The following IL1RAPL1 variants were observed in gnomAD, a reference collection of about 807,000 sequenced individuals.
IL1RAPL1 encodes the protein interleukin 1 receptor accessory protein like 1.
IL1RAPL1 carries 3 observed loss-of-function variants against 48.4 expected under a neutral mutation model. The ratio of observed to expected loss-of-function variants is 0.06; its 90% CI spans 0.03 to 0.16. The LOEUF is 0.16. IL1RAPL1 is among the 10% of genes least tolerant of loss of function. The probability of loss-of-function intolerance (pLI) is 1.00; values close to 1 mark genes in which losing one functional copy is unlikely to be tolerated. For missense variants in IL1RAPL1, 349 were observed against 530.6 expected (o/e 0.66, Z 3.36); for synonymous variants, 185 against 187.7 (o/e 0.99, Z 0.12).
At chrX:28,806,155 GAATA>G (rs1936729215) in intron 2 of IL1RAPL1, among the ~76,000 whole-genome samples, 1 of 111,859 alleles carries the variant, frequency 8.9e-6, no homozygotes, top group African/African-American at 3.2e-5. Flanking sequence ...TACATGAAAT[GAATA>G]GTTTCATTAG....
Position 29,030,112 on chromosome X carries a change from A to AT in IL1RAPL1, c.82+240695dup, listed in dbSNP as rs755475724. 4.0e-3 allele frequency among the ~76,000 whole-genome samples: 432 copies of AT among 108,986 alleles called. 4 individuals are homozygous for AT. Among genetic ancestry groups the AT allele is most frequent in the African/African-American group, 0.014 (409 of 29,907 alleles). 94.6% of individuals were successfully genotyped at this position (108,986 alleles called of 115,157 possible). A position where few individuals can be genotyped will look rare whatever the true frequency, so the allele number is the denominator to read the frequency against. ...TTTCAGTCCATTGATCTATTTGTCT[A>AT]TTTTTTTTCACTAGTGCCACACTGT... On this transcript the variant is annotated intron_variant, in intron 2 of 10. Coordinates refer to ENST00000378993, the MANE Select transcript of IL1RAPL1 (RefSeq NM_014271.4).
At chrX:28,768,719 CTCTCTCTCTG>C (rs1569168430) in intron 1 of IL1RAPL1, among the ~76,000 whole-genome samples, 30 of 64,158 alleles carry the variant, frequency 4.7e-4, no homozygotes, top group African/African-American at 1.7e-3. Context: ...CTCTCTCTCT[CTCTCTCTCTG>C]TCTCTCTCTC....
intron 5 of IL1RAPL1, among the ~76,000 whole-genome samples, chrX:29,487,685 G>A (rs1935111276): frequency 8.9e-6 from 1 of 112,181 alleles, no homozygotes; most frequent in Non-Finnish European, 1.9e-5. Flanking sequence ...TTTAGCAACA[G>A]AATGCTGAAG....
intron 8 of IL1RAPL1, among the ~76,000 whole-genome samples, chrX:29,940,610 C>A (rs992236892): frequency 8.9e-6 from 1 of 111,935 alleles, no homozygotes; most frequent in African/African-American, 3.2e-5. Context: ...ACCGACAACG[C>A]TTAAAGTGAG....
intron 1 of IL1RAPL1, among the ~76,000 whole-genome samples, chrX:28,701,096 A>G (rs932712174): frequency 1.4e-4 from 16 of 111,307 alleles, no homozygotes; most frequent in African/African-American, 4.9e-4. Context: ...GTCAAATGGT[A>G]TTTCTGGTTC....
chrX:29,599,092 G>A (rs184962439), intron 5 of IL1RAPL1, among the ~76,000 whole-genome samples: 108 of 111,981 alleles, frequency 9.6e-4, no homozygotes, highest in African/African-American at 3.3e-3. Context: ...TGTTTGAATA[G>A]CTTGTGTTTT....
At chrX:29,831,305 C>T (rs1049883764) in intron 6 of IL1RAPL1, among the ~76,000 whole-genome samples, 65 of 111,167 alleles carry the variant, frequency 5.8e-4, no homozygotes, top group Admixed American at 2.2e-3. Context: ...ATTAAGTCCC[C>T]CCATGGAACT....
intron 8 of IL1RAPL1, among the ~76,000 whole-genome samples, chrX:29,928,510 TAA>T (rs746669950): frequency 2.1e-4 from 24 of 111,973 alleles, no homozygotes; most frequent in Non-Finnish European, 4.3e-4. Context: ...GCAGGCTGCT[TAA>T]AAGAGATAAT....
chrX:28,719,114 T>C (rs2146938771), intron 1 of IL1RAPL1, among the ~76,000 whole-genome samples: 1 of 111,180 alleles, frequency 9.0e-6, no homozygotes. Context: ...TATATATGCA[T>C]CGGAATTTAG....
intron 1 of IL1RAPL1, among the ~76,000 whole-genome samples, chrX:28,608,034 T>A (rs1014462771): frequency 3.6e-5 from 4 of 111,700 alleles, no homozygotes; most frequent in African/African-American, 1.3e-4. Context: ...GACATGGACC[T>A]GGATGCCTAC....
intron 2 of IL1RAPL1, among the ~76,000 whole-genome samples, chrX:29,062,531 G>A (rs760762400): frequency 1.8e-5 from 2 of 112,061 alleles, no homozygotes; most frequent in Non-Finnish European, 3.8e-5. Context: ...AGCAAAATGC[G>A]TAGAGACATT....
At chrX:29,069,628 A>AACACACACACACACACACAC (rs56373899) in intron 2 of IL1RAPL1, among the ~76,000 whole-genome samples, 10 of 83,732 alleles carry the variant, frequency 1.2e-4, no homozygotes, top group Non-Finnish European at 2.1e-4. Flanking sequence ...TTTCCTATAG[A>AACACACACACACACACACAC]ACACACACAC....
intron 1 of IL1RAPL1, among the ~76,000 whole-genome samples, chrX:28,669,828 TAATAAC>T (rs1265328588): frequency 9.5e-6 from 1 of 105,268 alleles, no homozygotes; most frequent in East Asian, 2.9e-4. Flanking sequence ...AATGGAGAAA[TAATAAC>T]AATTCGAGTT....
intron 1 of IL1RAPL1, among the ~76,000 whole-genome samples, chrX:28,757,776 T>C (rs1172418534): frequency 3.6e-5 from 4 of 112,291 alleles, no homozygotes; most frequent in African/African-American, 1.3e-4. Context: ...TGTGCTCTGC[T>C]TTATAGCTTA....
chrX:29,022,224 T>C (rs1335435005), intron 2 of IL1RAPL1, among the ~76,000 whole-genome samples: 2 of 111,405 alleles, frequency 1.8e-5, no homozygotes, highest in Non-Finnish European at 3.8e-5. Context: ...ATGAGAGTCC[T>C]CTATTCTCAA....
intron 6 of IL1RAPL1, among the ~76,000 whole-genome samples, chrX:29,752,139 A>C (rs1028983079): frequency 7.0e-4 from 70 of 100,107 alleles, no homozygotes; most frequent in African/African-American, 2.2e-3. Context: ...CAGATGTACA[A>C]ATTTTTAATG....
chrX:29,165,234 G>A (rs1202718384), intron 2 of IL1RAPL1, among the ~76,000 whole-genome samples: 6 of 111,793 alleles, frequency 5.4e-5, no homozygotes, highest in African/African-American at 2.0e-4. Context: ...CAGGAGAATC[G>A]CTTGAACCTA....
At chrX:29,359,872 G>A (rs1229640953) in intron 3 of IL1RAPL1, among the ~76,000 whole-genome samples, 1 of 111,209 alleles carries the variant, frequency 9.0e-6, no homozygotes, top group Non-Finnish European at 1.9e-5. Flanking sequence ...CAGATACTTT[G>A]TAACCCCTGG....
At chrX:29,447,405 A>G (rs899622110) in intron 5 of IL1RAPL1, among the ~76,000 whole-genome samples, 1 of 111,754 alleles carries the variant, frequency 8.9e-6, no homozygotes, top group African/African-American at 3.2e-5. Context: ...GAAGAGGGAC[A>G]TGAATTTCAG....
Sources: gnomAD v4.1 joint callset for allele counts (sites outside exome capture counted in the v4.1 genomes callset) on GRCh38, gnomAD v4.1.1 for gene constraint, MANE v1.5 for transcripts, NCBI Gene and HGNC (gene_info 2026-07-23, HGNC 2026-07-21) for gene names.